Variants in ACOXL observed in about 807,000 individuals in gnomAD.
ACOXL encodes acyl-CoA oxidase like, also known as acyl-coenzyme A oxidase-like protein.
ACOXL carries 70 observed loss-of-function variants against 71.9 expected under a neutral mutation model. The ratio of observed to expected loss-of-function variants is 0.97; its 90% CI spans 0.80 to 1.19. The LOEUF is 1.19. Among genes scored for constraint, ACOXL ranks in the 50% most tolerant of loss-of-function variants. ACOXL has a pLI of 0.00. For synonymous variants in ACOXL, 253 were observed against 281.6 expected, an observed-to-expected ratio of 0.90 and a Z score of 1.02; for missense variants, 703 against 736.3, an observed-to-expected ratio of 0.95 and a Z score of 0.52.
At chr2:111,025,754 C>T (rs1293959013) in intron 14 of ACOXL, among the ~76,000 whole-genome samples, 4 of 152,132 alleles carry the variant, frequency 2.6e-5, no homozygotes, top group African/African-American at 9.7e-5. Flanking sequence ...CCATTACCTG[C>T]CTTTTCATTT....
intron 12 of ACOXL, among the ~76,000 whole-genome samples, chr2:110,972,660 C>T (rs199541101): frequency 0.066 from 9,964 of 151,954 alleles, 826 homozygotes; most frequent in East Asian, 0.42. Context: ...CACACACACA[C>T]ACACACACAC....
At chr2:110,855,217 A>T (rs1693091899) in intron 10 of ACOXL, among the ~76,000 whole-genome samples, 1 of 152,238 alleles carries the variant, frequency 6.6e-6, no homozygotes, top group Admixed American at 6.5e-5. Flanking sequence ...GTTATTCCTG[A>T]CCTTAAAACT....
chr2:110,929,641 C>T (rs2060408571), intron 11 of ACOXL, among the ~76,000 whole-genome samples: 2 of 152,202 alleles, frequency 1.3e-5, no homozygotes, highest in African/African-American at 4.8e-5. Context: ...ACCTTTGCAG[C>T]AGCCCCTCCC....
intron 14 of ACOXL, among the ~76,000 whole-genome samples, chr2:111,005,590 T>C (rs1444679250): frequency 6.6e-6 from 1 of 152,244 alleles, no homozygotes; most frequent in Non-Finnish European, 1.5e-5. Flanking sequence ...TTGTAAAGCC[T>C]ATCTTTCTAA....
At chr2:110,784,977 A>C (rs527868391) in intron 3 of ACOXL, among the ~76,000 whole-genome samples, 162 bp downstream of exon 3, 65 of 152,284 alleles carry the variant, frequency 4.3e-4, no homozygotes, top group Middle Eastern at 6.8e-3. Context: ...TTTAACTATC[A>C]TATCCTATCC....
chr2:111,085,682 A>G (rs1186059444), intron 16 of ACOXL, among the ~76,000 whole-genome samples: 1 of 152,180 alleles, frequency 6.6e-6, no homozygotes, highest in Non-Finnish European at 1.5e-5. Flanking sequence ...AAGAAGCAAG[A>G]GCAAACCAAC....
Position 111,028,844 on chromosome 2 carries a change from A to G in ACOXL, c.1282-2783A>G, listed in dbSNP as rs1254701337. Among the ~76,000 whole-genome samples the G allele has an allele frequency of 2.0e-5, 3 of 152,290 alleles. No individual in the cohort carries two copies. The East Asian group carries it at 5.8e-4, about 29-fold the overall frequency. ...GATGTTGTTGATATTAAATGTGACCATGTGTGATCATCCATCTTTATAAAC... is the reference window on the plus strand; with the variant it reads ...GATGTTGTTGATATTAAATGTGACCGTGTGTGATCATCCATCTTTATAAAC... On this transcript the variant is annotated intron_variant, in intron 14 of 17. Coordinates refer to ENST00000439055, the MANE Select transcript of ACOXL (RefSeq NM_001142807.4).
intron 1 of ACOXL, among the ~76,000 whole-genome samples, chr2:110,738,137 C>T (rs1220499835): frequency 6.6e-6 from 1 of 152,200 alleles, no homozygotes; most frequent in East Asian, 1.9e-4. Flanking sequence ...GAAGTCCAAG[C>T]TGATGCCTGT....
At chr2:111,080,201 T>G (rs912404651) in intron 16 of ACOXL, among the ~76,000 whole-genome samples, 1 of 152,066 alleles carries the variant, frequency 6.6e-6, no homozygotes, top group African/African-American at 2.4e-5. Flanking sequence ...TGAAGGATTT[T>G]TTGTGTCTCT....
chr2:110,748,797 C>T (rs993328888), intron 1 of ACOXL, among the ~76,000 whole-genome samples: 2 of 152,162 alleles, frequency 1.3e-5, no homozygotes, highest in Admixed American at 1.3e-4. Context: ...GGGATTTGTT[C>T]TTCATGCCCA....
intron 9 of ACOXL, among the ~76,000 whole-genome samples, chr2:110,825,836 T>C (rs1212575890): frequency 1.3e-5 from 2 of 152,284 alleles, no homozygotes; most frequent in Middle Eastern, 3.4e-3. Context: ...CTGAAAAATA[T>C]TCATTTATTT....
chr2:111,004,766 A>G (rs1249630570), intron 14 of ACOXL, among the ~76,000 whole-genome samples: 3 of 152,214 alleles, frequency 2.0e-5, no homozygotes, highest in Non-Finnish European at 4.4e-5. Context: ...AATGCCATTG[A>G]TAATGAAACC....
At chr2:110,853,217 T>C (rs1230388846) in intron 10 of ACOXL, among the ~76,000 whole-genome samples, 5 of 152,214 alleles carry the variant, frequency 3.3e-5, no homozygotes. Context: ...TTGTCCAAAC[T>C]TGGGGAGGTT....
chr2:111,097,771 A>T (rs1265077307), intron 17 of ACOXL, among the ~76,000 whole-genome samples: 1 of 152,278 alleles, frequency 6.6e-6, no homozygotes. Flanking sequence ...CTCCAAGTAT[A>T]TAGTAATTAA....
chr2:110,865,802 T>C (rs1694516008), intron 10 of ACOXL, among the ~76,000 whole-genome samples: 1 of 152,186 alleles, frequency 6.6e-6, no homozygotes, highest in South Asian at 2.1e-4. Flanking sequence ...TGCATGTAAA[T>C]GATAGCATAA....
At chr2:110,760,800 G>A (rs961385577) in intron 1 of ACOXL, among the ~76,000 whole-genome samples, 11 of 151,874 alleles carry the variant, frequency 7.2e-5, no homozygotes, top group South Asian at 2.1e-4. Context: ...TTTTTCATTA[G>A]TGTTCATGTG....
At chr2:111,024,180 ACT>A (rs1204393375) in intron 14 of ACOXL, among the ~76,000 whole-genome samples, 2 of 151,804 alleles carry the variant, frequency 1.3e-5, no homozygotes, top group African/African-American at 4.8e-5. Context: ...CAGGGCTCTT[ACT>A]CTCTCCGTCC....
At chr2:111,056,526 C>T (rs977928520) in intron 16 of ACOXL, among the ~76,000 whole-genome samples, 2 of 151,948 alleles carry the variant, frequency 1.3e-5, no homozygotes, top group East Asian at 1.9e-4. Context: ...TGGTGGCTCA[C>T]GCCTGTAATC....
chr2:111,001,644 A>T (rs2063634922), intron 14 of ACOXL, among the ~76,000 whole-genome samples: 5 of 152,208 alleles, frequency 3.3e-5, no homozygotes. Context: ...ATTTTGGAGT[A>T]AGAGTGTATA....
Sources: allele counts gnomAD v4.1 joint callset (sites outside exome capture counted in the v4.1 genomes callset), GRCh38; gene constraint gnomAD v4.1.1; transcripts MANE v1.5; gene names NCBI Gene and HGNC (gene_info 2026-07-23, HGNC 2026-07-21).